Variants in ANKFN1 observed in about 807,000 individuals in gnomAD.
The protein encoded by ANKFN1 is ankyrin repeat and fibronectin type III domain containing 1.
A neutral mutation model predicts 108.7 loss-of-function variants in ANKFN1; 74 were observed. The observed-to-expected ratio is 0.68, with a 90% confidence interval of 0.56 to 0.83. ANKFN1 has a LOEUF of 0.83. Ranked by LOEUF, ANKFN1 falls within the 40% of genes least tolerant of loss-of-function variation. ANKFN1 has a pLI of 0.00. For missense variants in ANKFN1, 1,505 were observed against 1,382.3 expected (o/e 1.09, Z -1.41); for synonymous variants, 547 against 516.2 (o/e 1.06, Z -0.81).
At chr17:56,479,101 A>T (rs1163784956) in intron 16 of ANKFN1, among the ~76,000 whole-genome samples, 2 of 152,118 alleles carry the variant, frequency 1.3e-5, no homozygotes, top group African/African-American at 4.8e-5. Flanking sequence ...CATTACACTC[A>T]TCCATTTTCT....
intron 1 of ANKFN1, among the ~76,000 whole-genome samples, chr17:56,204,561 G>A (rs576790969): frequency 6.6e-6 from 1 of 151,828 alleles, no homozygotes; most frequent in East Asian, 2.0e-4. Flanking sequence ...GGTTGGTCTC[G>A]AACTACTGAC....
chr17:56,346,282 G>A (rs957039839), intron 4 of ANKFN1, among the ~76,000 whole-genome samples: 7 of 152,048 alleles, frequency 4.6e-5, no homozygotes, highest in African/African-American at 1.4e-4. Context: ...TGCTGTTTTG[G>A]TTACTATAGC....
chr17:56,287,126 C>T (rs2044239448), intron 3 of ANKFN1, among the ~76,000 whole-genome samples: 1 of 152,140 alleles, frequency 6.6e-6, no homozygotes, highest in Non-Finnish European at 1.5e-5. Flanking sequence ...AGGCCTTATT[C>T]TCCCCATTTT....
chr17:56,169,339 A>G (rs1251677952), intron 1 of ANKFN1, among the ~76,000 whole-genome samples: 1 of 152,042 alleles, frequency 6.6e-6, no homozygotes, highest in East Asian at 1.9e-4. Flanking sequence ...TGGCACAATC[A>G]TAGCTCACTA....
At chr17:56,090,218 T>A (rs1472827582) in intron 4 of ANKFN1, among the ~76,000 whole-genome samples, 1 of 151,238 alleles carries the variant, frequency 6.6e-6, no homozygotes, top group African/African-American at 2.4e-5. Flanking sequence ...TGAGCCAGAA[T>A]GTGAGCACTG....
intron 18 of ANKFN1, among the ~76,000 whole-genome samples, chr17:56,487,184 C>CAA (rs927076618): frequency 1.3e-5 from 2 of 152,078 alleles, no homozygotes; most frequent in Admixed American, 6.5e-5. Flanking sequence ...ATGAATTCAC[C>CAA]AAAAATCCAC....
chr17:56,276,703 GT>G, intron 3 of ANKFN1, among the ~76,000 whole-genome samples: 1 of 151,982 alleles, frequency 6.6e-6, no homozygotes, highest in Non-Finnish European at 1.5e-5. Flanking sequence ...TGGGTTGTTT[GT>G]TTTTTTCTTG....
At chr17:56,353,699 C>A (rs564431912) in intron 5 of ANKFN1, 137 bp from the exon 6 acceptor site, 7 of 720,800 alleles carry the variant, frequency 9.7e-6, no homozygotes, top group Non-Finnish European at 1.7e-5. Context: ...ACTTTGGAGA[C>A]CTTGGGATAA....
At chr17:56,340,561 G>A (rs2877747) in intron 4 of ANKFN1, among the ~76,000 whole-genome samples, 1 of 152,000 alleles carries the variant, frequency 6.6e-6, no homozygotes, top group Admixed American at 6.6e-5. Context: ...TATTGAATAG[G>A]GGATCCTTTC....
At chr17:56,456,066 T>C (rs555905074) in intron 11 of ANKFN1, among the ~76,000 whole-genome samples, 23 of 152,338 alleles carry the variant, frequency 1.5e-4, no homozygotes, top group Non-Finnish European at 2.6e-4. Context: ...CTCTTTTTTT[T>C]CTATTCTCCA....
At chr17:56,136,821 G>T (rs1317020198) in intron 4 of ANKFN1, among the ~76,000 whole-genome samples, 1 of 152,182 alleles carries the variant, frequency 6.6e-6, no homozygotes, top group Non-Finnish European at 1.5e-5. Flanking sequence ...TTATAAAAAA[G>T]CCAAAAGAAG....
chr17:56,055,323 T>C (rs942256637), intron 4 of ANKFN1, among the ~76,000 whole-genome samples: 5 of 151,604 alleles, frequency 3.3e-5, no homozygotes, highest in Admixed American at 3.3e-4. Flanking sequence ...ACATATGAGA[T>C]ATTTGGTTTT....
chr17:56,465,043 A>C (rs1196290061), intron 14 of ANKFN1, among the ~76,000 whole-genome samples: 1 of 152,160 alleles, frequency 6.6e-6, no homozygotes, highest in Non-Finnish European at 1.5e-5. Context: ...CAGCAAGAGT[A>C]TTTACACCAC....
intron 1 of ANKFN1, among the ~76,000 whole-genome samples, chr17:56,153,967 A>G (rs1440517118): frequency 6.6e-6 from 1 of 151,848 alleles, no homozygotes; most frequent in African/African-American, 2.4e-5. Flanking sequence ...TCTCTCTCTC[A>G]CTTTTTATGG....
At chr17:56,165,161 A>G (rs1910033376) in intron 1 of ANKFN1, among the ~76,000 whole-genome samples, 1 of 152,194 alleles carries the variant, frequency 6.6e-6, no homozygotes, top group East Asian at 1.9e-4. Flanking sequence ...ATTCTGTTAA[A>G]TGTTTTAAAG....
intron 1 of ANKFN1, among the ~76,000 whole-genome samples, chr17:56,170,805 T>TACACACACACAC (rs1383558821): frequency 3.7e-4 from 27 of 72,140 alleles, no homozygotes; most frequent in African/African-American, 1.1e-3. Flanking sequence ...TATATATATA[T>TACACACACACAC]ATACACACAC....
chr17:56,142,633 T>C (rs1403400557), intron 4 of ANKFN1, among the ~76,000 whole-genome samples: 2 of 152,138 alleles, frequency 1.3e-5, no homozygotes, highest in Non-Finnish European at 2.9e-5. Flanking sequence ...GCTTCAGACT[T>C]TTGTTTCTTC....
intron 3 of ANKFN1, among the ~76,000 whole-genome samples, chr17:56,234,345 T>A (rs1452958890): frequency 1.3e-5 from 1 of 77,238 alleles, no homozygotes; most frequent in African/African-American, 5.6e-5. Context: ...CCTTTGGGGT[T>A]TTTTTTTTTA....
chr17:56,381,954 C>T (rs1364326764), intron 8 of ANKFN1, among the ~76,000 whole-genome samples: 1 of 151,862 alleles, frequency 6.6e-6, no homozygotes, highest in African/African-American at 2.4e-5. Context: ...AGATACTCCT[C>T]GAGAAGAGCA....
Sources: gnomAD v4.1 joint callset for allele counts (sites outside exome capture counted in the v4.1 genomes callset) on GRCh38, gnomAD v4.1.1 for gene constraint, MANE v1.5 for transcripts, NCBI Gene and HGNC (gene_info 2026-07-23, HGNC 2026-07-21) for gene names.